SEC31B: variants seen among roughly 807,000 people sequenced by gnomAD.
SEC31B encodes the protein protein transport protein Sec31B.
A neutral mutation model predicts 135.0 loss-of-function variants in SEC31B; 113 were observed. The observed-to-expected ratio is 0.84, with a 90% CI of 0.72 to 0.98. SEC31B has a LOEUF of 0.98. Among genes scored for constraint, SEC31B ranks in the 50% least tolerant of loss-of-function variants. The pLI, the probability that SEC31B is intolerant of heterozygous loss-of-function variation, is 0.00. For missense variants in SEC31B, 1,296 were observed against 1,421.1 expected, an observed-to-expected ratio of 0.91 and a Z score of 1.42; for synonymous variants, 508 against 549.4, an observed-to-expected ratio of 0.92 and a Z score of 1.05.
At chr10:100,499,650 G>A (rs112182216) in intron 11 of SEC31B, 52 bp from the exon 12 acceptor site, 3 of 1,334,550 alleles carry the variant, frequency 2.2e-6, no homozygotes, top group South Asian at 2.5e-5. Flanking sequence ...CATAAATGAC[G>A]CTCTTCCTAC....
chr10:100,487,886 G>T, intron 25 of SEC31B, 91 bp from the exon 26 acceptor site: 1 of 1,547,446 alleles, frequency 6.5e-7, no homozygotes, highest in Non-Finnish European at 8.9e-7. Context: ...AAGTTCTGGG[G>T]CCCAGTCCAG....
At chr10:100,497,563 G>T (rs116958569) in intron 16 of SEC31B, 104 bp downstream of exon 16, 6 of 1,582,020 alleles carry the variant, frequency 3.8e-6, no homozygotes, top group East Asian at 4.5e-5. Flanking sequence ...ACATTGCCTC[G>T]CCTCCCACAG....
intron 3 of SEC31B, among the ~76,000 whole-genome samples, chr10:100,514,996 A>AG (rs1340744550): frequency 1.3e-5 from 2 of 151,102 alleles, no homozygotes; most frequent in East Asian, 3.9e-4. Context: ...AAAAAAAAAA[A>AG]AAAATAGTAG....
chr10:100,487,177 GGCAGGGAAA>G lies in SEC31B; in HGVS notation c.*430_*438del. 1 of 182,390 alleles carries G rather than the reference GGCAGGGAAA, an allele frequency of 5.5e-6. No individual in the cohort carries two copies. Among genetic ancestry groups the G allele is most frequent in the Non-Finnish European group, 1.1e-5 (1 of 87,308 alleles). The allele number at this position is 182,390 out of a possible 1,614,324, so 11.3% of individuals were successfully genotyped here. A position where few individuals can be genotyped will look rare whatever the true frequency, so the allele number is the denominator to read the frequency against. On this transcript the variant is annotated 3_prime_UTR_variant, in exon 26 of 26. Coordinates refer to ENST00000370345, the MANE Select transcript of SEC31B (RefSeq NM_015490.4). The stretch of plus-strand genomic sequence containing the variant: ...ACGGACCTGGAAATACCAAGTCAGA[GGCAGGGAAA>G]AGGTAAGGGCAGGCTCATAAACCAC...
chr10:100,517,124 C>T (rs1356628636), intron 1 of SEC31B, 127 bp from the exon 2 acceptor site: 1 of 598,088 alleles, frequency 1.7e-6, no homozygotes, highest in African/African-American at 1.9e-5. Context: ...AAATACATGA[C>T]CATCTGCAGA....
intron 24 of SEC31B, among the ~76,000 whole-genome samples, chr10:100,488,458 CAAAAA>C (rs5787387): frequency 2.1e-5 from 2 of 97,218 alleles, no homozygotes. Flanking sequence ...GACTCCATCT[CAAAAA>C]AAAAAAAAAA....
chr10:100,487,547 G>T lies in SEC31B; in HGVS notation c.*69C>A. The T allele has an allele frequency of 1.5e-6, 2 of 1,366,582 alleles. No individual in the cohort carries two copies. Among genetic ancestry groups the T allele is most frequent in the Non-Finnish European group, 2.0e-6 (2 of 986,880 alleles). The allele number at this position is 1,366,582 out of a possible 1,614,324, so 84.7% of individuals were successfully genotyped here. On this transcript the variant is annotated 3_prime_UTR_variant, in exon 26 of 26. Transcript: ENST00000370345. ...AAAAGAAACAGAATCTGTTGCAGAA[G>T]TCCCCTCTTCTGCAGGGAGGAGTTA...
chr10:100,488,452 C>G (rs138505735), intron 24 of SEC31B, among the ~76,000 whole-genome samples: 6,527 of 114,206 alleles, frequency 0.057, 217 homozygotes, highest in South Asian at 0.093. Context: ...AAGCGAGACT[C>G]CATCTCAAAA....
intron 17 of SEC31B, 111 bp downstream of exon 17, chr10:100,497,024 G>A (rs990354946): frequency 1.6e-5 from 21 of 1,324,926 alleles, no homozygotes; most frequent in Middle Eastern, 2.6e-4. Context: ...CCCTAACACC[G>A]TGGTTCCAGC....
Position 100,489,340 on chromosome 10 carries a change from G to A in SEC31B, c.3083C>T (p.Pro1028Leu). Residue 1028 changes from proline (P) to leucine (L), a missense_variant, in exon 23 of 26, where the codon CCT becomes CTT. Pro to Leu is a moderately conservative substitution (Grantham distance 98). Coordinates refer to ENST00000370345, the MANE Select transcript of SEC31B (RefSeq NM_015490.4). ...TGAGGGAAGAATCCCTTGTAGCTCA[G>A]GGGTGAGGCTCATAACTGGAGCAGT... is the stretch of plus-strand genomic sequence containing the variant. ...PITAPVMSLTPELQGILPSQP... is the reference protein window; with the variant it reads ...PITAPVMSLTLELQGILPSQP... The A allele has an allele frequency of 6.2e-7, 1 of 1,614,008 alleles. No individual in the cohort carries two copies. Among genetic ancestry groups the A allele is most frequent in the Admixed American group, 1.7e-5 (1 of 59,986 alleles).
At chr10:100,506,639 C>T (rs562904967) in intron 7 of SEC31B, among the ~76,000 whole-genome samples, 5 of 152,306 alleles carry the variant, frequency 3.3e-5, no homozygotes, top group East Asian at 1.9e-4. Flanking sequence ...AACCTCAGAG[C>T]CTGTGCACTA....
In SEC31B at chr10:100,490,798, T is replaced by A; in HGVS notation, c.2558A>T (p.Tyr853Phe). 3.1e-6 allele frequency: 5 copies of A among 1,611,266 alleles called. No individual in the cohort carries two copies. The highest frequency in any genetic ancestry group is 4.2e-6 in the Non-Finnish European group (5 of 1,178,392). The change falls in exon 20 of 26, where the codon TAT becomes TTT. Residue 853 changes from tyrosine (Y) to phenylalanine (F), a missense_variant. Tyr to Phe is a conservative substitution (Grantham distance 22, BLOSUM62 3). Transcript: ENST00000370345. ...TATATTCTGTGTCCTGGGACCCTGA[T>A]AAGGGCTAGGATGGGAAGGTGCCAA... is the stretch of plus-strand genomic sequence containing the variant. ...MPLAPSHPSP[Y>F]QGPRTQNISD...
chr10:100,514,351 C>T (rs1439276260), intron 3 of SEC31B, among the ~76,000 whole-genome samples: 1 of 152,182 alleles, frequency 6.6e-6, no homozygotes, highest in Admixed American at 6.5e-5. Flanking sequence ...CTAGTGCCCC[C>T]TCACCCTTTT....
At position 100,497,142 on chromosome 10, in the gene SEC31B, G is replaced by T. The variant is rs761528420; in HGVS notation, c.2129C>A (p.Ala710Asp). The change falls in exon 17 of 26, where the codon GCT (alanine) becomes GAT (aspartate). Residue 710 changes from alanine to aspartate, a missense_variant. By Grantham distance (126) the Ala-to-Asp change is moderately radical (BLOSUM62 -2). Transcript: ENST00000370345. Reference protein sequence around the residue: ...AKCHQALSPMALQDLMEKVMV... With the variant: ...AKCHQALSPMDLQDLMEKVMV... ...CCTGCAGAGAAGGGGTACCTGCAGA[G>T]CCATGGGGGACAAAGCCTGGTGGCA... The T allele has an allele frequency of 6.2e-7, 1 of 1,614,172 alleles. No individual in the cohort carries two copies. The highest frequency in any genetic ancestry group is 1.1e-5 in the South Asian group (1 of 91,084).
chr10:100,496,425 T>C lies in SEC31B; in HGVS notation c.2143A>G (p.Met715Val). Residue 715 changes from methionine (M) to valine (V), a missense_variant, in exon 18 of 26, where the codon ATG becomes GTG. Transcript: ENST00000370345. ...CTGTTAAGAACCATCACCTTCTCCA[T>C]CAGGTCCTGTAAGGGCAAGGATGAG... The part of the protein sequence containing the change: ...ALSPMALQDL[M>V]EKVMVLNRSL... The C allele has an allele frequency of 6.2e-7, 1 of 1,614,062 alleles. No homozygotes were observed. The highest frequency in any genetic ancestry group is 8.5e-7 in the Non-Finnish European group (1 of 1,179,982).
intron 9 of SEC31B, 107 bp from the exon 10 acceptor site, chr10:100,505,602 C>T: frequency 6.8e-7 from 1 of 1,474,116 alleles, no homozygotes; most frequent in South Asian, 1.4e-5. Flanking sequence ...CCAATTTGAC[C>T]TAGAAAGGTC....
intron 10 of SEC31B, among the ~76,000 whole-genome samples, chr10:100,504,685 G>C (rs771158684): frequency 6.6e-6 from 1 of 152,048 alleles, no homozygotes; most frequent in Non-Finnish European, 1.5e-5. Context: ...CAAAGTATAA[G>C]TCTGTGGGAT....
chr10:100,506,509 C>A, intron 7 of SEC31B, 89 bp from the exon 8 acceptor site: 1 of 1,026,116 alleles, frequency 9.7e-7, no homozygotes, highest in Non-Finnish European at 1.5e-6. Flanking sequence ...TTTTATAGGG[C>A]ATATCAGACC....
chr10:100,486,760 G>C lies in SEC31B; in HGVS notation c.*856C>G, dbSNP rs1851192008. 6.6e-6 allele frequency: 1 copy of C among 152,306 alleles called. No individual in the cohort carries two copies. Among genetic ancestry groups the C allele is most frequent in the Non-Finnish European group, 1.5e-5 (1 of 68,168 alleles). 9.4% of individuals were successfully genotyped at this position (152,306 alleles called of 1,614,324 possible). Reference sequence around the variant, plus strand: ...CCTGAGACATGTGGTGGCTGCGAGGGAGAAGGACCCCCAACCCTTGAGGAG... The same window carrying C: ...CCTGAGACATGTGGTGGCTGCGAGGCAGAAGGACCCCCAACCCTTGAGGAG... On this transcript the variant is annotated 3_prime_UTR_variant, in exon 26 of 26. Transcript: ENST00000370345.
Sources: allele counts gnomAD v4.1 joint callset (sites outside exome capture counted in the v4.1 genomes callset), GRCh38; gene constraint gnomAD v4.1.1; transcripts MANE v1.5; gene names NCBI Gene and HGNC (gene_info 2026-07-23, HGNC 2026-07-21).